The following STK32B variants were observed in gnomAD, a reference collection of about 807,000 sequenced individuals.
STK32B encodes the protein serine/threonine-protein kinase 32B.
A neutral mutation model predicts 52.6 loss-of-function variants in STK32B; 43 were observed. That is an observed-to-expected ratio of 0.82 (90% CI 0.64 to 1.05). The LOEUF is 1.05. Among genes scored for constraint, STK32B ranks in the 50% least tolerant of loss-of-function variants. The pLI is 0.00. For missense variants in STK32B, 621 were observed against 534.6 expected (o/e 1.16, Z -1.59); for synonymous variants, 238 against 204.3 (o/e 1.17, Z -1.41).
chr4:5,456,687 C>G (rs988475376), intron 7 of STK32B, 120 bp from the exon 8 acceptor site: 34 of 925,210 alleles, frequency 3.7e-5, no homozygotes, highest in African/African-American at 6.7e-5. Flanking sequence ...GAAAGAGAAG[C>G]ACCCACTGTT....
chr4:5,212,756 G>A (rs1722977860), intron 3 of STK32B, among the ~76,000 whole-genome samples: 1 of 152,192 alleles, frequency 6.6e-6, no homozygotes, highest in Admixed American at 6.5e-5. Context: ...GGACATAAGT[G>A]TCATATTTGC....
intron 3 of STK32B, among the ~76,000 whole-genome samples, chr4:5,192,353 G>A (rs539573506): frequency 6.6e-6 from 1 of 152,252 alleles, no homozygotes; most frequent in Admixed American, 6.5e-5. Flanking sequence ...TCAAGCTCAA[G>A]ACTTTTCCAC....
At position 5,471,941 on chromosome 4, in the gene STK32B, C is replaced by T. The variant is rs371411080; in HGVS notation, c.1106+3871C>T. Among the ~76,000 whole-genome samples the T allele has an allele frequency of 2.1e-4, 32 of 152,290 alleles. No individual in the cohort carries two copies. The South Asian group carries it at 3.1e-3, about 15-fold the overall frequency. The stretch of plus-strand genomic sequence containing the variant: ...AAGCCTACTGGCTGCGGGATGCTCC[C>T]GGGGGCCTTAACTTCCCTGCACAGC... On this transcript the variant is annotated intron_variant, in intron 11 of 11. Transcript: ENST00000282908.
rs976405733 is a variant in STK32B, at chr4:5,395,899, C to T, written c.435-2308C>T. Among the ~76,000 whole-genome samples, 1 of 152,224 alleles carries T rather than the reference C, an allele frequency of 6.6e-6. No individual in the cohort carries two copies. The highest frequency in any genetic ancestry group is 1.5e-5 in the Non-Finnish European group (1 of 68,038). On this transcript the variant is annotated intron_variant, in intron 4 of 11. Transcript: ENST00000282908. The surrounding 1 kb of genome is among the most constrained non-coding windows in gnomAD (Gnocchi z 4.4). ...TGGGGTCTAGGGACCAAGGTGGCCACATCCGTGCCCCATTCTGTTCTCAGG... is the reference window on the plus strand; with the variant it reads ...TGGGGTCTAGGGACCAAGGTGGCCATATCCGTGCCCCATTCTGTTCTCAGG...
At chr4:5,371,003 T>C (rs1345851878) in intron 4 of STK32B, among the ~76,000 whole-genome samples, 1 of 149,786 alleles carries the variant, frequency 6.7e-6, no homozygotes, top group Non-Finnish European at 1.5e-5. Flanking sequence ...TGTGTATATA[T>C]ATATATATGT....
At chr4:5,178,990 G>A (rs774074362) in intron 3 of STK32B, among the ~76,000 whole-genome samples, 2 of 152,064 alleles carry the variant, frequency 1.3e-5, no homozygotes, top group African/African-American at 2.4e-5. Context: ...TTACTGCCTC[G>A]GTACCAATGT....
chr4:5,322,222 C>T (rs1467271397), intron 3 of STK32B, among the ~76,000 whole-genome samples: 3 of 152,106 alleles, frequency 2.0e-5, no homozygotes. Context: ...ATGTATCAGG[C>T]ACAAGTCAGG....
intron 4 of STK32B, among the ~76,000 whole-genome samples, chr4:5,358,361 C>T (rs186169137): frequency 1.3e-5 from 2 of 152,264 alleles, no homozygotes; most frequent in East Asian, 1.9e-4. Flanking sequence ...AAAAGCAAGA[C>T]GATGAATGTG....
intron 1 of STK32B, among the ~76,000 whole-genome samples, chr4:5,102,124 T>C (rs941841978): frequency 3.3e-5 from 5 of 152,190 alleles, no homozygotes; most frequent in African/African-American, 1.2e-4. Flanking sequence ...CCTTTCCTGG[T>C]AGAACCCCCT....
intron 5 of STK32B, among the ~76,000 whole-genome samples, chr4:5,413,709 A>G (rs541597495): frequency 6.6e-6 from 1 of 152,344 alleles, no homozygotes; most frequent in African/African-American, 2.4e-5. Context: ...GAAAAGGGCA[A>G]ATGTATCTTG....
chr4:5,488,701 T>C (rs1421966994), intron 11 of STK32B, among the ~76,000 whole-genome samples: 1 of 152,142 alleles, frequency 6.6e-6, no homozygotes, highest in Non-Finnish European at 1.5e-5. Flanking sequence ...CACAAGATTC[T>C]TTCTCATTCA....
intron 11 of STK32B, among the ~76,000 whole-genome samples, chr4:5,481,222 C>A (rs1429532002): frequency 2.0e-5 from 3 of 152,198 alleles, no homozygotes; most frequent in African/African-American, 7.2e-5. Context: ...GTTCCTATTT[C>A]TCCACATCCT....
chr4:5,341,153 T>C (rs1037349611), intron 4 of STK32B, among the ~76,000 whole-genome samples: 3 of 152,214 alleles, frequency 2.0e-5, no homozygotes, highest in Non-Finnish European at 4.4e-5. Context: ...CATATGGATT[T>C]CATCGACTCC....
intron 6 of STK32B, among the ~76,000 whole-genome samples, chr4:5,427,364 A>T (rs1713193870): frequency 1.3e-5 from 2 of 152,158 alleles, no homozygotes; most frequent in Non-Finnish European, 2.9e-5. Context: ...TTTTCTTGTA[A>T]CAACTTGGTG....
At chr4:5,177,231 A>AG (rs1719978195) in intron 3 of STK32B, among the ~76,000 whole-genome samples, 2 of 152,162 alleles carry the variant, frequency 1.3e-5, no homozygotes, top group Non-Finnish European at 2.9e-5. Flanking sequence ...TCAGGGCAGA[A>AG]GGCAAAGGAG....
chr4:5,370,036 G>T (rs141119508), intron 4 of STK32B, among the ~76,000 whole-genome samples: 1 of 151,866 alleles, frequency 6.6e-6, no homozygotes, highest in African/African-American at 2.4e-5. Context: ...CATCACGCCC[G>T]GCTAATTTTT....
Position 5,394,658 on chromosome 4 carries a change from AC to A in STK32B, c.435-3548del, listed in dbSNP as rs1424409595. On this transcript the variant is annotated intron_variant, in intron 4 of 11. Transcript: ENST00000282908. This position sits in a 1 kb window ranked among gnomAD's most constrained non-coding sequence, Gnocchi z 4.2. ...TTGAAAGAGCAATGACAGTCCCATC[AC>A]TGTGACTTATTTCAGCACTTCTTCC... 1.3e-5 allele frequency among the ~76,000 whole-genome samples: 2 copies of A among 152,164 alleles called. No individual in the cohort carries two copies. Among genetic ancestry groups the A allele is most frequent in the African/African-American group, 4.8e-5 (2 of 41,434 alleles).
chr4:5,444,170 C>A (rs1460642499), intron 6 of STK32B, among the ~76,000 whole-genome samples: 1 of 152,292 alleles, frequency 6.6e-6, no homozygotes, highest in South Asian at 2.1e-4. Flanking sequence ...CTAATCAAGC[C>A]TGGGCAATGG....
chr4:5,352,177 C>G (rs1296582273), intron 4 of STK32B, among the ~76,000 whole-genome samples: 1 of 151,994 alleles, frequency 6.6e-6, no homozygotes, highest in Non-Finnish European at 1.5e-5. Flanking sequence ...TCCTGATGAC[C>G]TTAGACGTAA....
Sources: gnomAD v4.1 joint callset for allele counts (sites outside exome capture counted in the v4.1 genomes callset) on GRCh38, gnomAD v4.1.1 for gene constraint, Gnocchi (gnomAD v3.1) non-coding constraint, MANE v1.5 for transcripts, NCBI Gene and HGNC (gene_info 2026-07-23, HGNC 2026-07-21) for gene names.